Variants in MED14 observed in about 807,000 individuals in gnomAD.
MED14 encodes mediator of RNA polymerase II transcription subunit 14.
A neutral mutation model predicts 109.0 loss-of-function variants in MED14; 8 were observed. The observed-to-expected ratio is 0.07, with a 90% confidence interval of 0.04 to 0.13. The LOEUF is 0.13. Ranked by LOEUF, MED14 falls within the 10% of genes least tolerant of loss-of-function variation. The probability of loss-of-function intolerance (pLI) is 1.00; values close to 1 mark genes in which losing one functional copy is unlikely to be tolerated. For synonymous variants in MED14, 399 were observed against 408.7 expected (o/e 0.98, Z 0.29); for missense variants, 711 against 1,142.4 (o/e 0.62, Z 5.44).
At chrX:40,665,224 T>C (rs1929430276) in intron 24 of MED14, among the ~76,000 whole-genome samples, 1 of 111,226 alleles carries the variant, frequency 9.0e-6, no homozygotes, top group Admixed American at 9.6e-5. Context: ...AGGTATAAAA[T>C]AAGAAACACC....
In MED14 at chrX:40,664,391, C is replaced by A; in HGVS notation, c.3364G>T (p.Ala1122Ser). 4 of 1,205,472 alleles carry A rather than the reference C, an allele frequency of 3.3e-6. No homozygotes were observed. Among genetic ancestry groups the A allele is most frequent in the Non-Finnish European group, 4.5e-6 (4 of 892,738 alleles). Reference sequence around the variant, plus strand: ...GCTGGTGACATTCCAGGCATGCGTGCTGCTGGTGAGGGGCCAGACACTTGA... The same window carrying A: ...GCTGGTGACATTCCAGGCATGCGTGATGCTGGTGAGGGGCCAGACACTTGA... ...SPQVSGPSPA[A>S]RMPGMSPANP... is the part of the protein sequence containing the mutation. The change falls in exon 25 of 31, where the codon GCA (alanine) becomes TCA (serine). Residue 1122 changes from alanine (A) to serine (S), a missense_variant. By Grantham distance (99) the Ala-to-Ser change is moderately conservative. Coordinates refer to ENST00000324817, the MANE Select transcript of MED14 (RefSeq NM_004229.4).
At chrX:40,658,220 A>G (rs1271418434) in intron 28 of MED14, among the ~76,000 whole-genome samples, 2 of 110,394 alleles carry the variant, frequency 1.8e-5, no homozygotes, top group African/African-American at 6.6e-5. Flanking sequence ...CCTCCCGAGT[A>G]GCTGGGACTA....
In MED14 at chrX:40,651,674, T is replaced by C; in HGVS notation, c.*132A>G. 1 of 1,047,928 alleles carries C rather than the reference T, an allele frequency of 9.5e-7. No individual in the cohort carries two copies. Among genetic ancestry groups the C allele is most frequent in the Non-Finnish European group, 1.2e-6 (1 of 816,857 alleles). 86.4% of individuals were successfully genotyped at this position (1,047,928 alleles called of 1,213,427 possible). The stretch of plus-strand genomic sequence containing the variant: ...GATGAAAGAAGTGCACCCTGAAAAT[T>C]TTTGCCAGTTTAGAATATTTAGCTC... On this transcript the variant is annotated 3_prime_UTR_variant, in exon 31 of 31. Transcript: ENST00000324817.
Position 40,680,866 on chromosome X carries a change from A to T in MED14, c.2502T>A (p.Ser834=), listed in dbSNP as rs1484229111. ...CTGAGTTTGGGCCAACAGTTCCCAAAGAAATGTGGAATTTTTGATGGATCG... is the reference window on the plus strand; with the variant it reads ...CTGAGTTTGGGCCAACAGTTCCCAATGAAATGTGGAATTTTTGATGGATCG... The part of the protein sequence containing the change: ...WNSIHQKFHI[S]LGTVGPNSGC... The change falls in exon 20 of 31, where the codon TCT becomes TCA. Residue 834 remains serine (S), a synonymous_variant. Coordinates refer to ENST00000324817, the MANE Select transcript of MED14 (RefSeq NM_004229.4). 12 of 1,195,430 alleles carry T rather than the reference A, an allele frequency of 1.0e-5. No individual in the cohort carries two copies. The Admixed American group carries it at 2.4e-4, about 24-fold the overall frequency.
rs192530599 is a variant in MED14 at position 40,730,851 on chromosome X, G to A, written c.216-1506C>T. 7.8e-3 allele frequency among the ~76,000 whole-genome samples: 796 copies of A among 101,612 alleles called. 13 individuals are homozygous for A. The highest frequency in any genetic ancestry group is 0.027 in the African/African-American group (753 of 28,141). 88.2% of individuals were successfully genotyped at this position (101,612 alleles called of 115,157 possible). A position where few individuals can be genotyped will look rare whatever the true frequency, so the allele number is the denominator to read the frequency against. The stretch of plus-strand genomic sequence containing the variant: ...AAAAGAAGTTTAAAAAAAAGGGGGC[G>A]GGGGGGTCAGGTACGGTGGCTCACA... On this transcript the variant is annotated intron_variant, in intron 1 of 30. Transcript: ENST00000324817.
chrX:40,713,018 A>G lies in MED14; in HGVS notation c.677T>C (p.Val226Ala), dbSNP rs773952988. 3.4e-6 allele frequency: 4 copies of G among 1,175,690 alleles called. No individual in the cohort carries two copies. Among genetic ancestry groups the G allele is most frequent in the Middle Eastern group, 2.4e-4 (1 of 4,193 alleles). ...CAAGGTGGCTTCAAATTCTCCTTCA[A>G]CACGAAACTTCACCCGGCCATTTGC... ...TVANGRVKFR[V>A]EGEFEATLTV... is the part of the protein sequence containing the mutation. The change falls in exon 6 of 31, where the codon GTT (valine) becomes GCT (alanine). Residue 226 changes from valine to alanine, a missense_variant. Val to Ala is a moderately conservative substitution (Grantham distance 64, BLOSUM62 0). Around this residue, in one of 8 missense-constraint regions of MED14, gnomAD observed 388 missense variants for 517.3 expected, o/e 0.75. Transcript: ENST00000324817.
intron 22 of MED14, among the ~76,000 whole-genome samples, chrX:40,674,633 G>C (rs1170825146): frequency 3.6e-5 from 4 of 112,058 alleles, no homozygotes; most frequent in African/African-American, 1.3e-4. Flanking sequence ...TTCCAGACTA[G>C]GGAGTCACAA....
chrX:40,675,452 C>T, intron 21 of MED14, 91 bp from the exon 22 acceptor site: 1 of 678,649 alleles, frequency 1.5e-6, no homozygotes, highest in South Asian at 5.0e-5. Flanking sequence ...AACAGAAACA[C>T]AGTATGTTGA....
Position 40,726,742 on chromosome X carries a change from T to C in MED14, c.348+4A>G. On this transcript the variant is annotated splice_donor_region_variant and intron_variant, in intron 3 of 30. Coordinates refer to ENST00000324817, the MANE Select transcript of MED14 (RefSeq NM_004229.4). ...TACAAAGTAAAATAAAAAGTTTAACTCACCGCACATTTTTCCACTTTGCCA... is the reference window on the plus strand; with the variant it reads ...TACAAAGTAAAATAAAAAGTTTAACCCACCGCACATTTTTCCACTTTGCCA... 1 of 1,186,910 alleles carries C rather than the reference T, an allele frequency of 8.4e-7. No homozygotes were observed. The highest frequency in any genetic ancestry group is 1.1e-6 in the Non-Finnish European group (1 of 878,079).
chrX:40,734,654 C>T (rs1005909556), intron 1 of MED14, among the ~76,000 whole-genome samples: 1 of 112,304 alleles, frequency 8.9e-6, no homozygotes, highest in Non-Finnish European at 1.9e-5. Flanking sequence ...AAACCCCCTT[C>T]ATACTCCAAG....
chrX:40,702,031 T>C (rs775322368), intron 11 of MED14, among the ~76,000 whole-genome samples: 1 of 111,693 alleles, frequency 9.0e-6, no homozygotes, highest in East Asian at 2.8e-4. Context: ...CTCTCAGCCA[T>C]GTGAAGACAC....
At chrX:40,682,443 GA>G (rs1930152368) in intron 18 of MED14, among the ~76,000 whole-genome samples, 159 bp downstream of exon 18, 1 of 111,349 alleles carries the variant, frequency 9.0e-6, no homozygotes, top group South Asian at 3.8e-4. Flanking sequence ...GTCTTTAGGG[GA>G]AGGAAATTGA....
intron 23 of MED14, among the ~76,000 whole-genome samples, chrX:40,671,136 C>T (rs1012558799): frequency 9.0e-6 from 1 of 111,634 alleles, no homozygotes; most frequent in Non-Finnish European, 1.9e-5. Flanking sequence ...TAGTAGGCAA[C>T]GGGTCATTCT....
chrX:40,658,954 C>A (rs1929171104), intron 28 of MED14, among the ~76,000 whole-genome samples: 1 of 111,212 alleles, frequency 9.0e-6, no homozygotes, highest in African/African-American at 3.3e-5. Context: ...CTCTGGTTGG[C>A]CAGAAGACAG....
intron 23 of MED14, among the ~76,000 whole-genome samples, chrX:40,667,774 G>A (rs1929553580): frequency 8.9e-6 from 1 of 112,331 alleles, no homozygotes. Context: ...ATTCAGGTGA[G>A]AGAGGACTAG....
chrX:40,710,173 G>A, intron 8 of MED14, 44 bp from the exon 9 acceptor site: 3 of 934,671 alleles, frequency 3.2e-6, no homozygotes, highest in Non-Finnish European at 4.4e-6. Flanking sequence ...AACACAGTCT[G>A]TTAACTTCTA....
At position 40,651,686 on chromosome X, in the gene MED14, A is replaced by G; in HGVS notation, c.*120T>C. The G allele has an allele frequency of 2.8e-6, 3 of 1,059,980 alleles. No individual in the cohort carries two copies. The highest frequency in any genetic ancestry group is 3.6e-6 in the Non-Finnish European group (3 of 823,400). 87.4% of individuals were successfully genotyped at this position (1,059,980 alleles called of 1,213,427 possible). On this transcript the variant is annotated 3_prime_UTR_variant, in exon 31 of 31. Coordinates refer to ENST00000324817, the MANE Select transcript of MED14 (RefSeq NM_004229.4). ...GCACCCTGAAAATTTTTGCCAGTTT[A>G]GAATATTTAGCTCTTAAAGTTTAAA...
chrX:40,659,366 A>G (rs1569278566), intron 27 of MED14, 32 bp from the exon 28 acceptor site: 5 of 1,175,679 alleles, frequency 4.3e-6, no homozygotes, highest in Non-Finnish European at 5.8e-6. Flanking sequence ...GTTACTCTTC[A>G]TTCTACATTA....
chrX:40,666,756 A>G lies in MED14; in HGVS notation c.3229T>C (p.Ser1077Pro). 1 of 1,207,794 alleles carries G rather than the reference A, an allele frequency of 8.3e-7. No homozygotes were observed. ...GCAAAACTGGCCCCTGGTCCTATTGAGATTCCATGCGAGGATGGGGGAGGA... is the reference window on the plus strand; with the variant it reads ...GCAAAACTGGCCCCTGGTCCTATTGGGATTCCATGCGAGGATGGGGGAGGA... ...PTPPPSSHGI[S>P]IGPGASFASP... Residue 1077 changes from serine to proline, a missense_variant, in exon 24 of 31, where the codon TCA (serine) becomes CCA (proline). By Grantham distance (74) the Ser-to-Pro change is moderately conservative. Coordinates refer to ENST00000324817, the MANE Select transcript of MED14 (RefSeq NM_004229.4).
Sources: gnomAD v4.1 joint callset for allele counts (sites outside exome capture counted in the v4.1 genomes callset) on GRCh38, gnomAD v4.1.1 for gene constraint, gnomAD v4.1.1 regional missense constraint, MANE v1.5 for transcripts, NCBI Gene and HGNC (gene_info 2026-07-23, HGNC 2026-07-21) for gene names.